The following FOXP4 variants were observed in gnomAD, a reference collection of about 807,000 sequenced individuals.
FOXP4 encodes forkhead box protein P4.
FOXP4 carries 25 observed loss-of-function variants against 82.6 expected under a neutral mutation model. The observed-to-expected ratio is 0.30, with a 90% CI of 0.22 to 0.42. The LOEUF (loss-of-function observed/expected upper bound fraction) is 0.42, where lower values mean the gene tolerates loss of function less well. Ranked by LOEUF, FOXP4 falls within the 10% of genes least tolerant of loss-of-function variation. The pLI is 1.00. For missense variants in FOXP4, 785 were observed against 900.9 expected, an observed-to-expected ratio of 0.87 and a Z score of 1.65; for synonymous variants, 415 against 388.2, an observed-to-expected ratio of 1.07 and a Z score of -0.81.
intron 1 of FOXP4, among the ~76,000 whole-genome samples, chr6:41,561,366 C>T (rs1309024280): frequency 1.3e-5 from 2 of 152,166 alleles, no homozygotes; most frequent in Admixed American, 1.3e-4. Flanking sequence ...TATGGAAAGT[C>T]TGGGGTGGGG....
intron 2 of FOXP4, among the ~76,000 whole-genome samples, chr6:41,569,558 T>C (rs550012524): frequency 2.0e-5 from 3 of 152,188 alleles, no homozygotes; most frequent in African/African-American, 7.2e-5. Flanking sequence ...CTAGGAGAAG[T>C]GTGTGCCAGA....
chr6:41,568,212 A>G (rs1184648504), intron 2 of FOXP4, among the ~76,000 whole-genome samples: 5 of 152,074 alleles, frequency 3.3e-5, no homozygotes, highest in African/African-American at 7.2e-5. Flanking sequence ...CTCAACCTCA[A>G]CCTGAAAGGA....
chr6:41,584,308 G>C (rs900868282), intron 3 of FOXP4, among the ~76,000 whole-genome samples: 2 of 152,216 alleles, frequency 1.3e-5, no homozygotes, highest in Admixed American at 6.5e-5. Flanking sequence ...GGCCTACCTT[G>C]CAGGAAGTGG....
chr6:41,548,491 A>G (rs182200206), intron 1 of FOXP4: 13 of 152,470 alleles, frequency 8.5e-5, no homozygotes, highest in African/African-American at 2.4e-4. Context: ...TTGAGGGGCA[A>G]TTGTTAGGAC....
In FOXP4 at chr6:41,597,217, A is replaced by G. The variant is rs747740817; in HGVS notation, c.1700A>G (p.Tyr567Cys). 5.0e-6 allele frequency: 8 copies of G among 1,614,132 alleles called. No homozygotes were observed. The highest frequency in any genetic ancestry group is 3.3e-5 in the Admixed American group (2 of 60,024). ...AAGAACATGATCTCTGGCCTCAGCT[A>G]TGGAGCACTTAATGCCAGCTACCAG... ...LVKNMISGLS[Y>C]GALNASYQAA... Residue 567 changes from tyrosine to cysteine, a missense_variant, in exon 15 of 17, where the codon TAT becomes TGT. This residue lies in a region of FOXP4 where 184 missense variants were observed against 187.3 expected (regional missense o/e 0.98). Coordinates refer to ENST00000307972, the MANE Select transcript of FOXP4 (RefSeq NM_001012426.2).
chr6:41,550,365 T>G (rs1279828043), intron 1 of FOXP4, among the ~76,000 whole-genome samples: 1 of 152,216 alleles, frequency 6.6e-6, no homozygotes, highest in Non-Finnish European at 1.5e-5. Flanking sequence ...GTAGTACTGA[T>G]CAAGGGATGG....
chr6:41,555,084 A>G (rs1764201466), intron 1 of FOXP4, among the ~76,000 whole-genome samples: 1 of 152,078 alleles, frequency 6.6e-6, no homozygotes, highest in Non-Finnish European at 1.5e-5. Context: ...CCCCCTCTCT[A>G]CAAAAAATAC....
intron 1 of FOXP4, among the ~76,000 whole-genome samples, chr6:41,552,159 TAGG>T (rs1263823358): frequency 1.3e-5 from 2 of 152,158 alleles, no homozygotes; most frequent in African/African-American, 4.8e-5. Context: ...TTTACGTTTC[TAGG>T]AGAACATTTC....
chr6:41,583,469 A>G (rs2127385405), intron 3 of FOXP4, among the ~76,000 whole-genome samples: 1 of 152,314 alleles, frequency 6.6e-6, no homozygotes, highest in East Asian at 1.9e-4. Context: ...GTCCCTACAC[A>G]GCACTCCTCT....
intron 9 of FOXP4, 44 bp from the exon 10 acceptor site, chr6:41,589,727 G>A: frequency 6.3e-7 from 1 of 1,591,832 alleles, no homozygotes; most frequent in Middle Eastern, 2.1e-4. Flanking sequence ...ACTGCCTCCA[G>A]GGTTCAGCCT....
intron 12 of FOXP4, among the ~76,000 whole-genome samples, chr6:41,590,615 C>T (rs777548946): frequency 3.3e-5 from 5 of 152,156 alleles, no homozygotes; most frequent in Non-Finnish European, 7.4e-5. Context: ...CTCATTTCCA[C>T]GTACACAGCC....
intron 9 of FOXP4, among the ~76,000 whole-genome samples, chr6:41,589,344 T>C (rs1766350500): frequency 6.6e-6 from 1 of 152,244 alleles, no homozygotes; most frequent in Non-Finnish European, 1.5e-5. Context: ...GAGAGACCCA[T>C]TGAGTTTATG....
intron 1 of FOXP4, among the ~76,000 whole-genome samples, chr6:41,556,290 G>T (rs1328950020): frequency 6.6e-6 from 1 of 151,864 alleles, no homozygotes; most frequent in Non-Finnish European, 1.5e-5. Flanking sequence ...AGGAGGGAGG[G>T]GCTATAGGAA....
rs55744376 is a variant in FOXP4 at position 41,558,731 on chromosome 6, C to T, written c.-16-7014C>T. Among the ~76,000 whole-genome samples the T allele has an allele frequency of 0.13, 19,579 of 152,242 alleles. 1,341 individuals carry two copies. The highest frequency in any genetic ancestry group is 0.15 in the Non-Finnish European group (10,341 of 68,006). On this transcript the variant is annotated intron_variant, in intron 1 of 16. Coordinates refer to ENST00000307972, the MANE Select transcript of FOXP4 (RefSeq NM_001012426.2). This position sits in a 1 kb window ranked among gnomAD's most constrained non-coding sequence, Gnocchi z 4.0. Reference sequence around the variant, plus strand: ...AGCCTGAAGCCAGAAGCCAGTGGGCCTCTGGGGCCAGGGCTGAATGGGGGA... The same window carrying T: ...AGCCTGAAGCCAGAAGCCAGTGGGCTTCTGGGGCCAGGGCTGAATGGGGGA...
At position 41,586,993 on chromosome 6, in the gene FOXP4, T is replaced by C; in HGVS notation, c.511-16T>C. On this transcript the variant is annotated splice_polypyrimidine_tract_variant and intron_variant, in intron 5 of 16. Coordinates refer to ENST00000307972, the MANE Select transcript of FOXP4 (RefSeq NM_001012426.2). ...ATGGCACCCCTCTCTGCCCGCCCCC[T>C]CGGGCCCCTCACCAGGCACTGGGGA... 1 of 1,566,188 alleles carries C rather than the reference T, an allele frequency of 6.4e-7. No individual in the cohort carries two copies. The highest frequency in any genetic ancestry group is 8.7e-7 in the Non-Finnish European group (1 of 1,150,618).
At chr6:41,573,996 T>C (rs995882799) in intron 2 of FOXP4, among the ~76,000 whole-genome samples, 2 of 152,180 alleles carry the variant, frequency 1.3e-5, no homozygotes, top group African/African-American at 4.8e-5. Context: ...AGTTTTCCAC[T>C]CTGCCTAAGC....
At chr6:41,556,385 G>A (rs922204252) in intron 1 of FOXP4, among the ~76,000 whole-genome samples, 9 of 150,426 alleles carry the variant, frequency 6.0e-5, no homozygotes, top group African/African-American at 2.0e-4. Flanking sequence ...GTGCAGTGGC[G>A]TCATCTTGGC....
chr6:41,598,705 A>G (rs1767029604), intron 16 of FOXP4, 84 bp from the exon 17 acceptor site: 1 of 1,541,682 alleles, frequency 6.5e-7, no homozygotes, highest in Non-Finnish European at 8.8e-7. Context: ...ACTGTGCCCC[A>G]GAGTTCTGGG....
At chr6:41,577,949 C>T (rs769963646) in intron 2 of FOXP4, 37 bp from the exon 3 acceptor site, 12 of 1,534,430 alleles carry the variant, frequency 7.8e-6, no homozygotes, top group East Asian at 4.5e-5. Context: ...CCCACCCAGC[C>T]TCCCAGGCCA....
Sources: gnomAD v4.1 joint callset for allele counts (sites outside exome capture counted in the v4.1 genomes callset) on GRCh38, gnomAD v4.1.1 for gene constraint, gnomAD v4.1.1 regional missense constraint, Gnocchi (gnomAD v3.1) non-coding constraint, MANE v1.5 for transcripts, NCBI Gene and HGNC (gene_info 2026-07-23, HGNC 2026-07-21) for gene names.